The following CYP4F3 variants were observed in gnomAD, a reference collection of about 807,000 sequenced individuals.
CYP4F3 encodes the protein cytochrome P450 4F3.
In CYP4F3, 50 loss-of-function variants were observed where a neutral mutation model predicts 54.8. The ratio of observed to expected loss-of-function variants is 0.91; its 90% CI spans 0.73 to 1.16. The LOEUF is 1.16. Ranked by LOEUF, CYP4F3 falls within the 50% of genes most tolerant of loss-of-function variation. The pLI is 0.00. For synonymous variants in CYP4F3, 244 were observed against 262.6 expected, an observed-to-expected ratio of 0.93 and a Z score of 0.69; for missense variants, 715 against 676.2, an observed-to-expected ratio of 1.06 and a Z score of -0.64.
chr19:15,651,376 T>C (rs1972851136), intron 7 of CYP4F3, among the ~76,000 whole-genome samples: 1 of 137,420 alleles, frequency 7.3e-6, no homozygotes, highest in African/African-American at 2.6e-5. Context: ...CTTTGTCTTT[T>C]TTTTTTTTTG....
At chr19:15,659,182 A>T (rs2460817) in intron 12 of CYP4F3, 38 bp from the exon 13 acceptor site, 1,196,250 of 1,247,286 alleles carry the variant, frequency 0.96, 585,663 homozygotes, top group East Asian at 1. Flanking sequence ...AGGATGGGGC[A>T]CCTGGGTGCA....
rs1441692529 is a variant in CYP4F3 at position 15,661,696 on chromosome 19, A to AGTTT, written c.*2312_*2315dup. 11 of 152,148 alleles carry AGTTT rather than the reference A, an allele frequency of 7.2e-5. No individual in the cohort carries two copies. The highest frequency in any genetic ancestry group is 2.7e-4 in the African/African-American group (11 of 41,436). 9.4% of individuals were successfully genotyped at this position (152,148 alleles called of 1,614,324 possible). A position where few individuals can be genotyped will look rare whatever the true frequency, so the allele number is the denominator to read the frequency against. On this transcript the variant is annotated 3_prime_UTR_variant, in exon 13 of 13. Coordinates refer to ENST00000221307, the MANE Select transcript of CYP4F3 (RefSeq NM_000896.3). Reference sequence around the variant, plus strand: ...TGCAAGTCTTCTTCCTAGTCTCTGAAGTTTCTTTCTTTCATAGAGCAAACG... The same window carrying AGTTT: ...TGCAAGTCTTCTTCCTAGTCTCTGAAGTTTGTTTCTTTCTTTCATAGAGCAAACG...
intron 9 of CYP4F3, among the ~76,000 whole-genome samples, chr19:15,656,174 C>T (rs1973005196): frequency 6.6e-6 from 1 of 151,212 alleles, no homozygotes; most frequent in African/African-American, 2.4e-5. Context: ...GTGTGTTTGT[C>T]TCTTCTGCAC....
intron 2 of CYP4F3, among the ~76,000 whole-genome samples, chr19:15,643,244 A>G (rs1972519006): frequency 8.9e-6 from 1 of 112,876 alleles, no homozygotes; most frequent in Non-Finnish European, 2.1e-5. Flanking sequence ...ATAGATAGAC[A>G]GATATATAAG....
At chr19:15,653,539 A>G (rs1047952267) in intron 9 of CYP4F3, among the ~76,000 whole-genome samples, 2 of 152,086 alleles carry the variant, frequency 1.3e-5, no homozygotes, top group South Asian at 2.1e-4. Context: ...TGGTGGGGGA[A>G]CTGTCCCTGG....
intron 8 of CYP4F3, 37 bp downstream of exon 8, chr19:15,652,672 G>T: frequency 6.2e-6 from 10 of 1,614,008 alleles, no homozygotes; most frequent in Non-Finnish European, 7.6e-6. Flanking sequence ...TGGGGACTTG[G>T]ATATCTCCAT....
chr19:15,647,028 C>T, intron 3 of CYP4F3, 24 bp from the exon 4 acceptor site: 3 of 1,613,794 alleles, frequency 1.9e-6, no homozygotes, highest in Non-Finnish European at 2.5e-6. Flanking sequence ...CTCCATGGCC[C>T]CTGATTGTCC....
chr19:15,662,286 A>AAAAAAAAAAAAAAAAAAAAGG lies in CYP4F3; in HGVS notation c.*2907_*2908insAAAAAAAAAAAAAGGAAAAAA, dbSNP rs1973199343. 6.7e-6 allele frequency: 1 copy of AAAAAAAAAAAAAAAAAAAAGG among 149,334 alleles called. No homozygotes were observed. Among genetic ancestry groups the AAAAAAAAAAAAAAAAAAAAGG allele is most frequent in the Admixed American group, 6.6e-5 (1 of 15,042 alleles). 9.3% of individuals were successfully genotyped at this position (149,334 alleles called of 1,614,324 possible). Reference sequence around the variant, plus strand: ...ATTCTCTCTCTCAAAAAAAAAAAAAAAAAAAAGGAAAGAAAGAAAGAAAAG... The same window carrying AAAAAAAAAAAAAAAAAAAAGG: ...ATTCTCTCTCTCAAAAAAAAAAAAAAAAAAAAAAAAAAAAAAAAAGGAAAAAAGGAAAGAAAGAAAGAAAAG... On this transcript the variant is annotated 3_prime_UTR_variant, in exon 13 of 13. Coordinates refer to ENST00000221307, the MANE Select transcript of CYP4F3 (RefSeq NM_000896.3).
At chr19:15,646,380 G>A (rs1972625792) in intron 3 of CYP4F3, among the ~76,000 whole-genome samples, 1 of 152,178 alleles carries the variant, frequency 6.6e-6, no homozygotes, top group African/African-American at 2.4e-5. Context: ...TGAACTGTCT[G>A]AGACATTATT....
At chr19:15,656,682 A>G (rs1973029943) in intron 9 of CYP4F3, among the ~76,000 whole-genome samples, 2 of 151,608 alleles carry the variant, frequency 1.3e-5, no homozygotes, top group South Asian at 4.2e-4. Flanking sequence ...CTATCTCTCT[A>G]CTTATTTATC....
intron 2 of CYP4F3, 136 bp downstream of exon 2, chr19:15,641,749 C>T (rs936476609): frequency 2.0e-6 from 2 of 984,730 alleles, no homozygotes; most frequent in African/African-American, 1.6e-5. Context: ...TTACTCATTC[C>T]TCTGCTTACT....
intron 9 of CYP4F3, among the ~76,000 whole-genome samples, chr19:15,653,369 T>A (rs1047389471): frequency 6.6e-6 from 1 of 152,222 alleles, no homozygotes; most frequent in South Asian, 2.1e-4. Flanking sequence ...AATTCATCCA[T>A]TCTTGTCCAG....
Position 15,659,604 on chromosome 19 carries a change from A to G in CYP4F3, c.*219A>G, listed in dbSNP as rs940780228. On this transcript the variant is annotated 3_prime_UTR_variant, in exon 13 of 13. Transcript: ENST00000221307. ...CAAACGATGAAAACAACCCCAAGCT[A>G]TATATTACCAGATGAAAGGATAAAC... is the stretch of plus-strand genomic sequence containing the variant. The G allele has an allele frequency of 3.4e-5, 26 of 756,164 alleles. No individual in the cohort carries two copies. The highest frequency in any genetic ancestry group is 3.4e-4 in the Middle Eastern group (1 of 2,906). The allele number at this position is 756,164 out of a possible 1,614,324, so 46.8% of individuals were successfully genotyped here. A position where few individuals can be genotyped will look rare whatever the true frequency, so the allele number is the denominator to read the frequency against.
intron 9 of CYP4F3, among the ~76,000 whole-genome samples, chr19:15,657,891 A>G (rs1456511300): frequency 2.0e-5 from 3 of 152,044 alleles, no homozygotes; most frequent in Non-Finnish European, 4.4e-5. Context: ...GTTGCAAAAT[A>G]TTGCCTTTTA....
At chr19:15,655,973 T>G (rs1165258744) in intron 9 of CYP4F3, among the ~76,000 whole-genome samples, 2 of 152,228 alleles carry the variant, frequency 1.3e-5, no homozygotes, top group Admixed American at 6.5e-5. Flanking sequence ...TACAATACAT[T>G]GTTCACTAAA....
chr19:15,646,700 G>A (rs541753265), intron 3 of CYP4F3, among the ~76,000 whole-genome samples: 28 of 152,162 alleles, frequency 1.8e-4, no homozygotes, highest in Non-Finnish European at 3.5e-4. Context: ...AGAGTGCTGG[G>A]ACAGACAGGG....
chr19:15,647,113 T>C lies in CYP4F3; in HGVS notation c.397+8T>C, dbSNP rs1352662902. ...TCCTGAAGCCCTGGCTGGGTGAGTATCTGTAGGTGAACAGGGTTGGGAACA... is the reference window on the plus strand; with the variant it reads ...TCCTGAAGCCCTGGCTGGGTGAGTACCTGTAGGTGAACAGGGTTGGGAACA... On this transcript the variant is annotated splice_region_variant and intron_variant, in intron 4 of 12. Coordinates refer to ENST00000221307, the MANE Select transcript of CYP4F3 (RefSeq NM_000896.3). 1.2e-6 allele frequency: 2 copies of C among 1,613,936 alleles called. No homozygotes were observed. The highest frequency in any genetic ancestry group is 3.3e-5 in the Admixed American group (2 of 59,990).
At chr19:15,652,726 T>C (rs1267903406) in intron 8 of CYP4F3, 91 bp downstream of exon 8, 2 of 1,607,462 alleles carry the variant, frequency 1.2e-6, no homozygotes, top group Admixed American at 3.4e-5. Flanking sequence ...CCCATCCCCC[T>C]TCCCCCATCC....
chr19:15,641,787 C>T (rs1243992142), intron 2 of CYP4F3, among the ~76,000 whole-genome samples, 174 bp downstream of exon 2: 1 of 152,128 alleles, frequency 6.6e-6, no homozygotes, highest in African/African-American at 2.4e-5. Context: ...AACCCAAGCC[C>T]TTCTCACCTC....
Sources: allele counts gnomAD v4.1 joint callset (sites outside exome capture counted in the v4.1 genomes callset), GRCh38; gene constraint gnomAD v4.1.1; transcripts MANE v1.5; gene names NCBI Gene and HGNC (gene_info 2026-07-23, HGNC 2026-07-21).